ATP6V0E1: variants seen among roughly 807,000 people sequenced by gnomAD.
The protein encoded by ATP6V0E1 is ATPase H+ transporting V0 subunit e1, also known as V-type proton ATPase subunit e 1.
In ATP6V0E1, 4 loss-of-function variants were observed where a neutral mutation model predicts 11.6. The observed-to-expected ratio is 0.35, with a 90% CI of 0.17 to 0.79. The LOEUF (loss-of-function observed/expected upper bound fraction) is 0.79, where lower values mean the gene tolerates loss of function less well. ATP6V0E1 is among the 30% of genes least tolerant of loss of function. ATP6V0E1 has a pLI of 0.54. For missense variants in ATP6V0E1, 105 were observed against 100.0 expected, an observed-to-expected ratio of 1.05 and a Z score of -0.21; for synonymous variants, 36 against 34.8, an observed-to-expected ratio of 1.04 and a Z score of -0.13.
intron 2 of ATP6V0E1, among the ~76,000 whole-genome samples, chr5:173,013,636 C>G (rs1374180654): frequency 6.6e-6 from 1 of 151,220 alleles, no homozygotes; most frequent in Non-Finnish European, 1.5e-5. Context: ...GCAAACTACC[C>G]AACTGACAGG....
At chr5:172,996,581 A>G (rs528506427) in intron 2 of ATP6V0E1, among the ~76,000 whole-genome samples, 27 of 150,396 alleles carry the variant, frequency 1.8e-4, no homozygotes, top group African/African-American at 5.6e-4. Context: ...AAAAATACAT[A>G]CATACATACA....
chr5:173,019,071 A>C, intron 2 of ATP6V0E1, among the ~76,000 whole-genome samples: 1 of 152,244 alleles, frequency 6.6e-6, no homozygotes, highest in Admixed American at 6.5e-5. Context: ...CTCCCACCTC[A>C]GCCTCCTGGG....
chr5:173,021,027 T>C (rs1283729023), intron 3 of ATP6V0E1: 1 of 446,198 alleles, frequency 2.2e-6, no homozygotes, highest in East Asian at 6.1e-5. Flanking sequence ...ACTGGGTAAT[T>C]TATATTTGGC....
At chr5:173,021,996 C>T (rs1756494436) in intron 3 of ATP6V0E1, among the ~76,000 whole-genome samples, 1 of 152,188 alleles carries the variant, frequency 6.6e-6, no homozygotes, top group South Asian at 2.1e-4. Context: ...GATCGCGCCA[C>T]TGCACTCCAG....
chr5:172,998,709 C>T (rs1035400377), intron 2 of ATP6V0E1, among the ~76,000 whole-genome samples: 7 of 151,868 alleles, frequency 4.6e-5, no homozygotes, highest in Admixed American at 2.6e-4. Context: ...CCTACTGAAT[C>T]GCCTATGGAA....
chr5:173,028,184 C>T (rs1278508606), intron 3 of ATP6V0E1, among the ~76,000 whole-genome samples: 2 of 152,164 alleles, frequency 1.3e-5, no homozygotes, highest in Admixed American at 6.5e-5. Context: ...TTATGAACAT[C>T]GTGTCATGCC....
At chr5:173,026,709 A>G (rs1756564465) in intron 3 of ATP6V0E1, among the ~76,000 whole-genome samples, 1 of 152,110 alleles carries the variant, frequency 6.6e-6, no homozygotes, top group South Asian at 2.1e-4. Context: ...GTCTTTTGCT[A>G]TTACTGATAA....
intron 2 of ATP6V0E1, among the ~76,000 whole-genome samples, chr5:172,995,365 G>A (rs1184364519): frequency 6.6e-6 from 1 of 152,218 alleles, no homozygotes; most frequent in Non-Finnish European, 1.5e-5. Flanking sequence ...GCCTCCCAAA[G>A]TGCTGGGATT....
At chr5:172,985,418 C>G (rs1755882306) in intron 1 of ATP6V0E1, among the ~76,000 whole-genome samples, 1 of 151,924 alleles carries the variant, frequency 6.6e-6, no homozygotes, top group African/African-American at 2.4e-5. Context: ...GTTCCTCCTC[C>G]CTGGTAACAC....
chr5:173,032,249 T>TTTTATTTTATTTTA (rs1206831982), intron 3 of ATP6V0E1, among the ~76,000 whole-genome samples: 10 of 132,284 alleles, frequency 7.6e-5, no homozygotes, highest in South Asian at 2.3e-4. Flanking sequence ...TTTTATTTTA[T>TTTTATTTTATTTTA]TTTATTTATT....
intron 2 of ATP6V0E1, among the ~76,000 whole-genome samples, chr5:173,004,676 G>T (rs73803696): frequency 0.02 from 3,001 of 152,242 alleles, 99 homozygotes; most frequent in African/African-American, 0.068. Context: ...GATAAGGAAA[G>T]ATATGAGACC....
At position 173,034,761 on chromosome 5, in the gene ATP6V0E1, G is replaced by A. The variant is rs114419174; in HGVS notation, c.*399G>A. ...GCTGCAAGACAAACAAGACTCCAGT[G>A]GGGTGGTCAGTAGGAGAGCACGTTC... On this transcript the variant is annotated 3_prime_UTR_variant, in exon 4 of 4. Coordinates refer to ENST00000519374, the MANE Select transcript of ATP6V0E1 (RefSeq NM_003945.4). 3.3e-6 allele frequency: 1 copy of A among 300,812 alleles called. No homozygotes were observed. Among genetic ancestry groups the A allele is most frequent in the African/African-American group, 2.1e-5 (1 of 47,256 alleles). The allele number at this position is 300,812 out of a possible 1,614,324, so 18.6% of individuals were successfully genotyped here.
At chr5:173,027,617 T>G (rs755009992) in intron 3 of ATP6V0E1, among the ~76,000 whole-genome samples, 1 of 151,924 alleles carries the variant, frequency 6.6e-6, no homozygotes, top group East Asian at 1.9e-4. Flanking sequence ...TGTGGGTTTT[T>G]GTTTTTGTTT....
At chr5:173,002,906 C>G (rs879473844) in intron 2 of ATP6V0E1, among the ~76,000 whole-genome samples, 1 of 151,640 alleles carries the variant, frequency 6.6e-6, no homozygotes, top group Non-Finnish European at 1.5e-5. Context: ...TTGGGATAGC[C>G]GGGGACAGGG....
chr5:173,030,943 A>G (rs1756640299), intron 3 of ATP6V0E1, among the ~76,000 whole-genome samples: 1 of 148,284 alleles, frequency 6.7e-6, no homozygotes, highest in African/African-American at 2.5e-5. Context: ...TTATTTATTT[A>G]TTTATTTATT....
At chr5:173,023,429 C>T (rs1478619095) in intron 3 of ATP6V0E1, among the ~76,000 whole-genome samples, 1 of 152,232 alleles carries the variant, frequency 6.6e-6, no homozygotes, top group Non-Finnish European at 1.5e-5. Context: ...CTCCTGACCT[C>T]AGGTGATCCA....
At position 173,009,023 on chromosome 5, in the gene ATP6V0E1, C is replaced by T. The variant is rs527970047; in HGVS notation, c.153-11215C>T. 7.9e-5 allele frequency among the ~76,000 whole-genome samples: 12 copies of T among 150,990 alleles called. No homozygotes were observed. In the East Asian group the frequency reaches 1.2e-3, roughly 15 times the overall value. On this transcript the variant is annotated intron_variant, in intron 2 of 3. Coordinates refer to ENST00000519374, the MANE Select transcript of ATP6V0E1 (RefSeq NM_003945.4). The stretch of plus-strand genomic sequence containing the variant: ...GGCAGATCACTTGAGGCCAGGAGTT[C>T]GAGACCAGCCTGGGCAACATGGTGA...
Position 173,008,387 on chromosome 5 carries a change from G to A in ATP6V0E1, c.153-11851G>A, listed in dbSNP as rs182481813. Among the ~76,000 whole-genome samples the A allele has an allele frequency of 1.7e-3, 251 of 146,614 alleles. 4 individuals carry two copies. The highest frequency in any genetic ancestry group is 6.5e-4 in the South Asian group (3 of 4,642). ...CAATCTTGGCTCACTGCAACGCTCCGCCTCCTGGGTTCAAGCAAGTCTTCT... is the reference window on the plus strand; with the variant it reads ...CAATCTTGGCTCACTGCAACGCTCCACCTCCTGGGTTCAAGCAAGTCTTCT... On this transcript the variant is annotated intron_variant, in intron 2 of 3. Transcript: ENST00000519374.
intron 2 of ATP6V0E1, among the ~76,000 whole-genome samples, chr5:172,996,572 A>T (rs890970886): frequency 2.7e-5 from 4 of 150,384 alleles, no homozygotes; most frequent in African/African-American, 1.0e-4. Flanking sequence ...AAAAAAAAAA[A>T]AAATACATAC....
Sources: gnomAD v4.1 joint callset for allele counts (sites outside exome capture counted in the v4.1 genomes callset) on GRCh38, gnomAD v4.1.1 for gene constraint, MANE v1.5 for transcripts, NCBI Gene and HGNC (gene_info 2026-07-23, HGNC 2026-07-21) for gene names.